Variants in SH2D4B observed in about 807,000 individuals in gnomAD.
SH2D4B encodes SH2 domain containing 4B, also known as SH2 domain-containing protein 4B.
Under a neutral mutation model 61.5 loss-of-function variants are expected in SH2D4B, and 45 were observed. The observed-to-expected ratio is 0.73, with a 90% CI of 0.58 to 0.94. The LOEUF is 0.94. SH2D4B is among the 40% of genes least tolerant of loss of function. The pLI is 0.00. For synonymous variants in SH2D4B, 224 were observed against 220.4 expected (o/e 1.02, Z -0.14); for missense variants, 572 against 574.2 (o/e 1.00, Z 0.04).
At chr10:80,544,959 G>A (rs973457373) in intron 1 of SH2D4B, among the ~76,000 whole-genome samples, 2 of 152,086 alleles carry the variant, frequency 1.3e-5, no homozygotes, top group East Asian at 1.9e-4. Context: ...TTCATCTCTC[G>A]GTTGAATGCA....
intron 1 of SH2D4B, among the ~76,000 whole-genome samples, chr10:80,547,730 T>C (rs1229769653): frequency 6.6e-6 from 1 of 152,112 alleles, no homozygotes; most frequent in African/African-American, 2.4e-5. Context: ...TGATCACGTG[T>C]GTATAAGGAG....
At chr10:80,586,339 A>G (rs1052597356) in intron 3 of SH2D4B, among the ~76,000 whole-genome samples, 3 of 152,076 alleles carry the variant, frequency 2.0e-5, no homozygotes, top group Non-Finnish European at 4.4e-5. Flanking sequence ...TGGGCTTCTG[A>G]CTCTGGTGGG....
intron 1 of SH2D4B, among the ~76,000 whole-genome samples, chr10:80,563,750 G>C (rs1035782611): frequency 5.3e-5 from 8 of 152,132 alleles, no homozygotes; most frequent in African/African-American, 1.9e-4. Flanking sequence ...ATGTACAGGG[G>C]CTCTAAGAGC....
chr10:80,623,067 A>G (rs1842733252), intron 6 of SH2D4B, among the ~76,000 whole-genome samples: 2 of 152,056 alleles, frequency 1.3e-5, no homozygotes, highest in South Asian at 4.2e-4. Context: ...GGCGTGTGCC[A>G]CCACACCTGG....
intron 3 of SH2D4B, among the ~76,000 whole-genome samples, chr10:80,580,271 G>T (rs1313860616): frequency 2.0e-5 from 3 of 152,208 alleles, no homozygotes; most frequent in Non-Finnish European, 4.4e-5. Context: ...GGCACTTTGA[G>T]GCAGGGAAGA....
At chr10:80,627,790 AGAAGAAAAG>A (rs926138846) in intron 6 of SH2D4B, among the ~76,000 whole-genome samples, 6 of 151,768 alleles carry the variant, frequency 4.0e-5, no homozygotes, top group African/African-American at 7.3e-5. Context: ...AAAGGGAGGA[AGAAGAAAAG>A]GAAGAAAAGG....
At chr10:80,613,108 G>A (rs1842619832) in intron 6 of SH2D4B, among the ~76,000 whole-genome samples, 1 of 152,182 alleles carries the variant, frequency 6.6e-6, no homozygotes, top group South Asian at 2.1e-4. Flanking sequence ...GGGGAAATGG[G>A]CACAGAGTGC....
At position 80,592,655 on chromosome 10, in the gene SH2D4B, C is replaced by A. The variant is rs1056046618; in HGVS notation, c.643+3878C>A. Among the ~76,000 whole-genome samples, 35 of 151,832 alleles carry A rather than the reference C, an allele frequency of 2.3e-4. 1 individual carries two copies. The highest frequency in any genetic ancestry group is 5.0e-4 in the Non-Finnish European group (34 of 67,968). On this transcript the variant is annotated intron_variant, in intron 4 of 7. Coordinates refer to ENST00000646907, the MANE Select transcript of SH2D4B (RefSeq NM_001388272.1). ...CTTTCTCCATTGGATGGTATTGGAA[C>A]TCTTGTTGAAAATCAATTCACCAAA... is the stretch of plus-strand genomic sequence containing the variant.
chr10:80,633,807 T>A (rs1031706309), intron 6 of SH2D4B, among the ~76,000 whole-genome samples: 8 of 152,204 alleles, frequency 5.3e-5, no homozygotes, highest in Non-Finnish European at 5.9e-5. Flanking sequence ...CTTTTTACTT[T>A]TTAAGGGAAA....
intron 6 of SH2D4B, among the ~76,000 whole-genome samples, chr10:80,633,549 T>C (rs1391320373): frequency 6.6e-6 from 1 of 152,186 alleles, no homozygotes; most frequent in African/African-American, 2.4e-5. Flanking sequence ...TACTTGCCTC[T>C]GGAACCTGTT....
At chr10:80,542,861 T>G (rs976079571) in intron 1 of SH2D4B, among the ~76,000 whole-genome samples, 30 of 152,118 alleles carry the variant, frequency 2.0e-4, no homozygotes, top group African/African-American at 5.6e-4. Context: ...GGAAGCTGCT[T>G]CTTTCCTTTA....
At chr10:80,564,115 G>A (rs1291706149) in intron 1 of SH2D4B, among the ~76,000 whole-genome samples, 2 of 152,126 alleles carry the variant, frequency 1.3e-5, no homozygotes, top group Non-Finnish European at 1.5e-5. Flanking sequence ...TTGTCTTTAT[G>A]ATGTGTTTTT....
intron 4 of SH2D4B, among the ~76,000 whole-genome samples, chr10:80,595,645 T>C (rs1396403929): frequency 1.3e-5 from 2 of 152,178 alleles, no homozygotes; most frequent in Non-Finnish European, 2.9e-5. Flanking sequence ...AGAGGCTCTT[T>C]GAATCAATGA....
At chr10:80,575,659 C>T (rs1464182712) in intron 3 of SH2D4B, among the ~76,000 whole-genome samples, 2 of 152,122 alleles carry the variant, frequency 1.3e-5, no homozygotes, top group African/African-American at 4.8e-5. Context: ...CCTGTAATCC[C>T]AGCTACTCAG....
chr10:80,598,579 G>GC (rs746938984), intron 4 of SH2D4B, among the ~76,000 whole-genome samples: 4 of 152,086 alleles, frequency 2.6e-5, no homozygotes, highest in Admixed American at 2.6e-4. Flanking sequence ...GATATAGTGG[G>GC]CCATTAATCT....
At position 80,539,810 on chromosome 10, in the gene SH2D4B, G is replaced by GTTA. The variant is rs1172036329; in HGVS notation, c.184+1296_184+1298dup. ...GCCCAGCACAGAGGTGGCACATGGT[G>GTTA]TTAAATCCTTGTTTTGAACAAGACA... On this transcript the variant is annotated intron_variant, in intron 1 of 7. Transcript: ENST00000646907. The surrounding 1 kb of genome is among the most constrained non-coding windows in gnomAD (Gnocchi z 4.9). Among the ~76,000 whole-genome samples the GTTA allele has an allele frequency of 6.6e-6, 1 of 152,196 alleles. No homozygotes were observed. Among genetic ancestry groups the GTTA allele is most frequent in the Non-Finnish European group, 1.5e-5 (1 of 68,034 alleles).
intron 6 of SH2D4B, among the ~76,000 whole-genome samples, chr10:80,626,561 CTCCTG>C (rs1209515930): frequency 1.3e-5 from 2 of 152,188 alleles, no homozygotes; most frequent in Non-Finnish European, 2.9e-5. Context: ...GTGTCTTAAC[CTCCTG>C]AGATTTAGAT....
chr10:80,618,756 T>C lies in SH2D4B; in HGVS notation c.988+9205T>C, dbSNP rs530979473. On this transcript the variant is annotated intron_variant, in intron 6 of 7. Transcript: ENST00000646907. ...ATTGAGGTCCATAAAAAGTGAAACG[T>C]CGTGGCTGGCCTGCCTGCGTTTCTT... Among the ~76,000 whole-genome samples, 10 of 152,266 alleles carry C rather than the reference T, an allele frequency of 6.6e-5. No individual in the cohort carries two copies. In the East Asian group the frequency reaches 1.9e-3, roughly 29 times the overall value.
intron 1 of SH2D4B, among the ~76,000 whole-genome samples, chr10:80,557,003 G>C (rs1018602014): frequency 1.3e-5 from 2 of 151,986 alleles, no homozygotes; most frequent in East Asian, 3.9e-4. Context: ...TTCAATCTCC[G>C]GTCATTAAGT....
Sources: allele counts gnomAD v4.1 joint callset (sites outside exome capture counted in the v4.1 genomes callset), GRCh38; gene constraint gnomAD v4.1.1; non-coding constraint Gnocchi (gnomAD v3.1); transcripts MANE v1.5; gene names NCBI Gene and HGNC (gene_info 2026-07-23, HGNC 2026-07-21).